TMEM132D: variants seen among roughly 807,000 people sequenced by gnomAD.
The protein encoded by TMEM132D is transmembrane protein 132D.
A neutral mutation model predicts 62.3 loss-of-function variants in TMEM132D; 21 were observed. The ratio of observed to expected loss-of-function variants is 0.34; its 90% confidence interval spans 0.24 to 0.49. TMEM132D has a LOEUF of 0.49. Ranked by LOEUF, TMEM132D falls within the 20% of genes least tolerant of loss-of-function variation. The pLI, the probability that TMEM132D is intolerant of heterozygous loss-of-function variation, is 0.99. For missense variants in TMEM132D, 1,346 were observed against 1,402.8 expected (o/e 0.96, Z 0.65); for synonymous variants, 621 against 575.6 (o/e 1.08, Z -1.13).
At chr12:129,450,750 C>CTTTTTTTTT (rs869041495) in intron 3 of TMEM132D, among the ~76,000 whole-genome samples, 3 of 102,590 alleles carry the variant, frequency 2.9e-5, no homozygotes, top group African/African-American at 7.8e-5. Context: ...TCCATCGCTT[C>CTTTTTTTTT]TTTTTTTTTT....
intron 5 of TMEM132D, among the ~76,000 whole-genome samples, chr12:129,113,650 C>G: frequency 6.6e-6 from 1 of 151,966 alleles, no homozygotes; most frequent in Non-Finnish European, 1.5e-5. Context: ...GCTGTAGACC[C>G]GTCGGCCAGC....
intron 1 of TMEM132D, among the ~76,000 whole-genome samples, chr12:129,829,844 AG>A (rs1872775807): frequency 6.6e-6 from 1 of 152,212 alleles, no homozygotes; most frequent in Non-Finnish European, 1.5e-5. Flanking sequence ...AGAAACCCAG[AG>A]CTTTTACCAT....
At chr12:129,087,894 T>C (rs370660990) in intron 5 of TMEM132D, among the ~76,000 whole-genome samples, 1,028 of 90,952 alleles carry the variant, frequency 0.011, 76 homozygotes, top group African/African-American at 0.056. Context: ...CTGACCGGGG[T>C]GTCCTCCCTG....
intron 1 of TMEM132D, among the ~76,000 whole-genome samples, chr12:129,868,265 G>A (rs1456506630): frequency 1.3e-5 from 2 of 152,170 alleles, no homozygotes; most frequent in African/African-American, 2.4e-5. Context: ...ACATGAGACA[G>A]CATTTCTATG....
At chr12:129,678,010 T>C (rs1880678926) in intron 2 of TMEM132D, among the ~76,000 whole-genome samples, 1 of 152,212 alleles carries the variant, frequency 6.6e-6, no homozygotes. Context: ...AACTGAATTA[T>C]TTTCACAAAC....
At chr12:129,218,697 A>G (rs1407251847) in intron 4 of TMEM132D, among the ~76,000 whole-genome samples, 1 of 152,226 alleles carries the variant, frequency 6.6e-6, no homozygotes, top group East Asian at 1.9e-4. Context: ...TTTCATTCTA[A>G]ACTGTCATTG....
intron 1 of TMEM132D, among the ~76,000 whole-genome samples, chr12:129,747,741 TGACACACACACATCCA>T (rs572355778): frequency 1.6e-3 from 222 of 142,430 alleles, no homozygotes; most frequent in African/African-American, 5.4e-3. Context: ...CACACACACT[TGACACACACACATCCA>T]GACACACACA....
intron 2 of TMEM132D, among the ~76,000 whole-genome samples, chr12:129,545,311 C>G (rs1340773981): frequency 6.6e-6 from 1 of 152,188 alleles, no homozygotes; most frequent in African/African-American, 2.4e-5. Flanking sequence ...GAAGCAAGAT[C>G]TATGCCTGTC....
intron 2 of TMEM132D, among the ~76,000 whole-genome samples, chr12:129,615,584 CA>C (rs544023097): frequency 0.021 from 1,550 of 74,022 alleles, 15 homozygotes; most frequent in African/African-American, 0.062. Flanking sequence ...GACCCCATCT[CA>C]AAAAAAAAAA....
intron 1 of TMEM132D, among the ~76,000 whole-genome samples, chr12:129,875,444 G>C (rs1383664078): frequency 6.6e-6 from 1 of 152,218 alleles, no homozygotes; most frequent in East Asian, 1.9e-4. Context: ...GTTAGTTCCT[G>C]GTAAGGGCCC....
At chr12:129,189,298 T>C (rs1427238081) in intron 5 of TMEM132D, among the ~76,000 whole-genome samples, 5 of 152,120 alleles carry the variant, frequency 3.3e-5, no homozygotes, top group Non-Finnish European at 7.3e-5. Context: ...CAGGCCATTA[T>C]AGTACCAGAT....
At chr12:129,560,824 A>C (rs946294499) in intron 2 of TMEM132D, among the ~76,000 whole-genome samples, 2 of 152,202 alleles carry the variant, frequency 1.3e-5, no homozygotes, top group African/African-American at 4.8e-5. Flanking sequence ...AGACACCTCC[A>C]TTGGAGAAGA....
intron 3 of TMEM132D, among the ~76,000 whole-genome samples, chr12:129,354,855 C>G (rs150311386): frequency 6.6e-6 from 1 of 152,166 alleles, no homozygotes; most frequent in Non-Finnish European, 1.5e-5. Flanking sequence ...GCCTAATATG[C>G]TCCCACCTCT....
intron 3 of TMEM132D, among the ~76,000 whole-genome samples, chr12:129,516,467 G>T (rs1163314585): frequency 6.6e-6 from 1 of 152,200 alleles, no homozygotes; most frequent in Non-Finnish European, 1.5e-5. Context: ...GAAGGTGAAA[G>T]GCACATCTTA....
At chr12:129,873,213 C>T (rs916981822) in intron 1 of TMEM132D, among the ~76,000 whole-genome samples, 8 of 152,088 alleles carry the variant, frequency 5.3e-5, no homozygotes, top group South Asian at 2.1e-4. Flanking sequence ...ATATGCAGCA[C>T]GGACTATCTT....
At chr12:129,886,015 T>A (rs1048381563) in intron 1 of TMEM132D, among the ~76,000 whole-genome samples, 3 of 152,232 alleles carry the variant, frequency 2.0e-5, no homozygotes, top group African/African-American at 7.2e-5. Flanking sequence ...TGGTTATATA[T>A]TGAACTTAAA....
In TMEM132D at chr12:129,451,788, G is replaced by A. The variant is rs368696788; in HGVS notation, c.1115+79271C>T. 3.9e-5 allele frequency among the ~76,000 whole-genome samples: 6 copies of A among 152,260 alleles called. No homozygotes were observed. The South Asian group carries it at 6.2e-4, about 16-fold the overall frequency. On this transcript the variant is annotated intron_variant, in intron 3 of 8. Coordinates refer to ENST00000422113, the MANE Select transcript of TMEM132D (RefSeq NM_133448.3). ...GAAAGGGCAAAGGCAGAAAGAGTATGCCACTGAAAACTATCCCTCTAGAAG... is the reference window on the plus strand; with the variant it reads ...GAAAGGGCAAAGGCAGAAAGAGTATACCACTGAAAACTATCCCTCTAGAAG...
intron 4 of TMEM132D, among the ~76,000 whole-genome samples, chr12:129,263,127 G>GA: frequency 2.0e-5 from 3 of 152,164 alleles, no homozygotes; most frequent in African/African-American, 7.2e-5. Flanking sequence ...CTCCAGTGGT[G>GA]CACTTCACAG....
At chr12:129,573,186 C>T (rs368125964) in intron 2 of TMEM132D, among the ~76,000 whole-genome samples, 2 of 152,116 alleles carry the variant, frequency 1.3e-5, no homozygotes, top group Non-Finnish European at 2.9e-5. Flanking sequence ...AGGGGCTCAT[C>T]GGCCAGCTGT....
Sources: allele counts gnomAD v4.1 joint callset (sites outside exome capture counted in the v4.1 genomes callset), GRCh38; gene constraint gnomAD v4.1.1; transcripts MANE v1.5; gene names NCBI Gene and HGNC (gene_info 2026-07-23, HGNC 2026-07-21).